The following ODF2 variants were observed in gnomAD, a reference collection of about 807,000 sequenced individuals.
ODF2 encodes outer dense fiber of sperm tails 2.
Under a neutral mutation model 110.2 loss-of-function variants are expected in ODF2, and 47 were observed. That is an observed-to-expected ratio of 0.43 (90% CI 0.34 to 0.54). ODF2 has a LOEUF of 0.54. Among genes scored for constraint, ODF2 ranks in the 20% least tolerant of loss-of-function variants. ODF2 has a pLI of 0.03. For synonymous variants in ODF2, 352 were observed against 397.7 expected (o/e 0.89, Z 1.37); for missense variants, 812 against 1,054.5 (o/e 0.77, Z 3.19).
chr9:128,470,046 TAA>T (rs1564476242), intron 5 of ODF2, among the ~76,000 whole-genome samples: 2 of 56,690 alleles, frequency 3.5e-5, no homozygotes, highest in Non-Finnish European at 7.0e-5. Context: ...TATATATATA[TAA>T]ATAAAAAAAT....
At chr9:128,456,211 C>A (rs745842553) in exon 1 of ODF2, 1 of 1,547,622 alleles carries the variant, frequency 6.5e-7, no homozygotes, top group Non-Finnish European at 8.7e-7. Flanking sequence ...CCGACTTCAA[C>A]GACTTCATAA....
rs1189717069 is a variant in ODF2 at position 128,461,207 on chromosome 9, GA to G, written c.249+143del. The G allele has an allele frequency of 3.8e-6, 4 of 1,041,714 alleles. No individual in the cohort carries two copies. In the African/African-American group the frequency reaches 6.4e-5, roughly 17 times the overall value. 64.5% of individuals were successfully genotyped at this position (1,041,714 alleles called of 1,614,324 possible). A position where few individuals can be genotyped will look rare whatever the true frequency, so the allele number is the denominator to read the frequency against. On this transcript the variant is annotated intron_variant, in intron 4 of 20. Transcript: ENST00000604420. ...TTTACTGAGGGCCTTGCTAAACCCTGAAACTATGTGAATCTTCTTGAGTTCT... is the reference window on the plus strand; with the variant it reads ...TTTACTGAGGGCCTTGCTAAACCCTGAACTATGTGAATCTTCTTGAGTTCT...
intron 8 of ODF2, among the ~76,000 whole-genome samples, chr9:128,474,131 G>T (rs556348314): frequency 6.6e-6 from 1 of 152,266 alleles, no homozygotes; most frequent in East Asian, 1.9e-4. Context: ...GGGTGGGCAT[G>T]GTGGATCACT....
intron 18 of ODF2, 93 bp downstream of exon 18, chr9:128,496,234 A>T: frequency 1.3e-6 from 2 of 1,575,648 alleles, no homozygotes; most frequent in Non-Finnish European, 1.7e-6. Flanking sequence ...GGAAGTGTTG[A>T]GGGACTCGAG....
chr9:128,494,519 C>G lies in ODF2; in HGVS notation c.1762C>G (p.Gln588Glu), dbSNP rs750992617. The G allele has an allele frequency of 6.2e-7, 1 of 1,614,154 alleles. No homozygotes were observed. Residue 588 changes from glutamine (Q) to glutamate (E), a missense_variant, in exon 17 of 21, where the codon CAG becomes GAG. By Grantham distance (29) the Gln-to-Glu change is conservative (BLOSUM62 2). Coordinates refer to ENST00000604420, the Ensembl canonical transcript of ODF2. This position sits in a 1 kb window ranked among gnomAD's most constrained non-coding sequence, Gnocchi z 4.6. Reference sequence around the variant, plus strand: ...TTCCTTCCTGTTTCAGGCACGAAGGCAGTTCCAGTCTCAGCTGGCTGACCT... The same window carrying G: ...TTCCTTCCTGTTTCAGGCACGAAGGGAGTTCCAGTCTCAGCTGGCTGACCT...
exon 4 of ODF2, chr9:128,461,052 G>A: frequency 6.2e-7 from 1 of 1,614,130 alleles, no homozygotes; most frequent in Non-Finnish European, 8.5e-7. Context: ...CCCGGCCTGT[G>A]GGATGCAAGT....
chr9:128,498,150 A>G, intron 18 of ODF2: 1 of 318,710 alleles, frequency 3.1e-6, no homozygotes, highest in Non-Finnish European at 5.7e-6. Context: ...GCTGTGTTCC[A>G]TGTGATGCTA....
intron 3 of ODF2, 26 bp from the exon 4 acceptor site, chr9:128,460,916 G>C (rs1313692861): frequency 6.2e-7 from 1 of 1,614,104 alleles, no homozygotes; most frequent in Non-Finnish European, 8.5e-7. Flanking sequence ...GTGTGGAAGT[G>C]ACCCTGGGTT....
rs765480470 is a variant in ODF2 at position 128,472,972 on chromosome 9, C to T, written c.641C>T (p.Ala214Val). 2.8e-5 allele frequency: 45 copies of T among 1,613,950 alleles called. No individual in the cohort carries two copies. Among genetic ancestry groups the T allele is most frequent in the Middle Eastern group, 1.6e-4 (1 of 6,084 alleles). Residue 214 changes from alanine to valine, a missense_variant, in exon 7 of 21, where the codon GCG (alanine) becomes GTG (valine). Coordinates refer to ENST00000604420, the Ensembl canonical transcript of ODF2. Reference sequence around the variant, plus strand: ...TGCCTCATGTCCAAGCTGGTGGAGGCGGAAATGGATGGGGCTGCGGCTGCC... The same window carrying T: ...TGCCTCATGTCCAAGCTGGTGGAGGTGGAAATGGATGGGGCTGCGGCTGCC...
chr9:128,457,153 G>A (rs562604011), intron 1 of ODF2: 1 of 1,477,228 alleles, frequency 6.8e-7, no homozygotes, highest in East Asian at 2.8e-5. Context: ...CCTCCCCTCT[G>A]CCCCCAGGTC....
At chr9:128,475,271 T>C (rs1841016158) in intron 8 of ODF2, among the ~76,000 whole-genome samples, 1 of 152,162 alleles carries the variant, frequency 6.6e-6, no homozygotes, top group Non-Finnish European at 1.5e-5. Flanking sequence ...TTGAGCATCT[T>C]TGGATTTTGG....
chr9:128,473,106 G>C (rs1272796058), intron 7 of ODF2, 64 bp downstream of exon 7: 17 of 1,607,466 alleles, frequency 1.1e-5, no homozygotes, highest in African/African-American at 4.0e-5. Context: ...GCTGCAGGCT[G>C]GGCAGGGTCT....
chr9:128,484,061 A>T lies in ODF2; in HGVS notation c.1104+7A>T. ...CCTGTGCATGCAGATTAAGGTACCT[A>T]TTGGCCCCACAAGTGGGGAAAGAGG... is the stretch of plus-strand genomic sequence containing the variant. On this transcript the variant is annotated splice_region_variant and intron_variant, in intron 11 of 20. Transcript: ENST00000604420. The T allele has an allele frequency of 1.9e-6, 3 of 1,599,888 alleles. No individual in the cohort carries two copies. The highest frequency in any genetic ancestry group is 1.7e-6 in the Non-Finnish European group (2 of 1,172,126).
At position 128,499,244 on chromosome 9, in the gene ODF2, T is replaced by C. The variant is rs563613110; in HGVS notation, c.2301+118T>C. ...TTGTGAATATGACATGGTTTTATTT[T>C]TCTCCAATCACTTTCTATCCCTTAA... On this transcript the variant is annotated intron_variant, in intron 20 of 20. Coordinates refer to ENST00000604420, the Ensembl canonical transcript of ODF2. 18 of 1,234,000 alleles carry C rather than the reference T, an allele frequency of 1.5e-5. 1 individual carries two copies. In the South Asian group the frequency reaches 1.7e-4, roughly 12 times the overall value. 76.4% of individuals were successfully genotyped at this position (1,234,000 alleles called of 1,614,324 possible).
intron 4 of ODF2, among the ~76,000 whole-genome samples, chr9:128,467,579 T>A (rs568240459): frequency 1.3e-5 from 2 of 151,822 alleles, no homozygotes; most frequent in African/African-American, 4.8e-5. Context: ...ACCCCACCTC[T>A]ACTAAAAATA....
chr9:128,491,237 G>T (rs1844476581), intron 14 of ODF2, among the ~76,000 whole-genome samples: 1 of 151,920 alleles, frequency 6.6e-6, no homozygotes, highest in Non-Finnish European at 1.5e-5. Flanking sequence ...TAGAGATGAG[G>T]TTTCACCATA....
At chr9:128,499,327 C>T (rs1846179244) in intron 20 of ODF2, among the ~76,000 whole-genome samples, 1 of 152,254 alleles carries the variant, frequency 6.6e-6, no homozygotes, top group Admixed American at 6.5e-5. Flanking sequence ...CCTGTGTCAC[C>T]CAGGCTGGAA....
At chr9:128,493,407 C>G (rs184564091) in intron 16 of ODF2, among the ~76,000 whole-genome samples, 1 of 152,140 alleles carries the variant, frequency 6.6e-6, no homozygotes, top group East Asian at 1.9e-4. Flanking sequence ...AACAAACAAA[C>G]AAAAAACCTC....
intron 8 of ODF2, among the ~76,000 whole-genome samples, chr9:128,475,666 G>T (rs1262230071): frequency 1.3e-5 from 2 of 150,952 alleles, no homozygotes; most frequent in Non-Finnish European, 2.9e-5. Context: ...TCTTTTTTGA[G>T]ATGGAGTCTT....
Sources: gnomAD v4.1 joint callset for allele counts (sites outside exome capture counted in the v4.1 genomes callset) on GRCh38, gnomAD v4.1.1 for gene constraint, Gnocchi (gnomAD v3.1) non-coding constraint, MANE v1.5 for transcripts, NCBI Gene and HGNC (gene_info 2026-07-23, HGNC 2026-07-21) for gene names.